Variants in GSE1 observed in about 807,000 individuals in gnomAD.
The protein encoded by GSE1 is genetic suppressor element 1.
A neutral mutation model predicts 112.6 loss-of-function variants in GSE1; 32 were observed. That is an observed-to-expected ratio of 0.28 (90% confidence interval 0.21 to 0.38). The LOEUF (loss-of-function observed/expected upper bound fraction) is 0.38. Ranked by LOEUF, GSE1 falls within the 10% of genes least tolerant of loss-of-function variation. The probability of loss-of-function intolerance (pLI) is 1.00; values close to 1 mark genes in which losing one functional copy is unlikely to be tolerated. For missense variants in GSE1, 2,348 were observed against 1,699.2 expected, an observed-to-expected ratio of 1.38 and a Z score of -6.71; for synonymous variants, 1,115 against 735.6, an observed-to-expected ratio of 1.52 and a Z score of -8.35.
At chr16:85,609,733 C>A (rs1013126284), upstream of GSE1, among the ~76,000 whole-genome samples, 1 of 152,094 alleles carries the variant, frequency 6.6e-6, no homozygotes, top group Non-Finnish European at 1.5e-5. Flanking sequence ...CAGCTCACTG[C>A]GACCTCTGCC....
intron 2 of GSE1, among the ~76,000 whole-genome samples, chr16:85,470,124 C>G (rs1240904137): frequency 6.6e-6 from 1 of 152,246 alleles, no homozygotes; most frequent in African/African-American, 2.4e-5. Context: ...CCATGTTCCG[C>G]TTTTTATCAC....
chr16:85,195,716 C>T (rs994796612), intron 1 of GSE1, among the ~76,000 whole-genome samples: 4 of 152,158 alleles, frequency 2.6e-5, no homozygotes, highest in East Asian at 1.9e-4. Flanking sequence ...AACTTAACCA[C>T]GAAGGAGAAG....
chr16:85,623,831 C>G (rs1220985993), intron 1 of GSE1, among the ~76,000 whole-genome samples: 3 of 152,190 alleles, frequency 2.0e-5, no homozygotes, highest in East Asian at 3.9e-4. Context: ...CTGCCCAGGC[C>G]ACTCCTGGCC....
chr16:85,189,404 C>T (rs1190319003), intron 1 of GSE1, among the ~76,000 whole-genome samples: 1 of 152,140 alleles, frequency 6.6e-6, no homozygotes, highest in Non-Finnish European at 1.5e-5. Context: ...GTGCATTGTA[C>T]ACAGTGATTC....
At chr16:85,486,536 C>T (rs2050845309) in intron 2 of GSE1, among the ~76,000 whole-genome samples, 1 of 152,268 alleles carries the variant, frequency 6.6e-6, no homozygotes, top group South Asian at 2.1e-4. Context: ...CTTAGAATTT[C>T]AGGATTCCAA....
At chr16:85,506,455 G>A (rs1282506833) in intron 2 of GSE1, among the ~76,000 whole-genome samples, 2 of 152,108 alleles carry the variant, frequency 1.3e-5, no homozygotes, top group African/African-American at 4.8e-5. Context: ...CAGGGAGGGA[G>A]GGAAGGGTTC....
chr16:85,627,762 A>T (rs978570171), intron 1 of GSE1, among the ~76,000 whole-genome samples: 6 of 152,158 alleles, frequency 3.9e-5, no homozygotes, highest in African/African-American at 1.4e-4. Flanking sequence ...ACATGAGCTG[A>T]TAATGTAGAC....
At chr16:85,298,850 C>T (rs1282230998) in intron 1 of GSE1, among the ~76,000 whole-genome samples, 2 of 152,216 alleles carry the variant, frequency 1.3e-5, no homozygotes, top group East Asian at 1.9e-4. Context: ...CTAGAACTTT[C>T]GGGAGTGGGT....
chr16:85,252,039 A>G (rs1746707108), intron 1 of GSE1, among the ~76,000 whole-genome samples: 1 of 152,208 alleles, frequency 6.6e-6, no homozygotes, highest in African/African-American at 2.4e-5. Context: ...GCACACGCTA[A>G]TAGATGGCAG....
intron 1 of GSE1, among the ~76,000 whole-genome samples, chr16:85,304,050 A>G (rs1186059187): frequency 1.3e-5 from 2 of 152,196 alleles, no homozygotes. Flanking sequence ...ACAGCAGAAA[A>G]AGCCGCAGGA....
chr16:85,353,664 C>T (rs1323086044), intron 1 of GSE1, among the ~76,000 whole-genome samples: 1 of 152,202 alleles, frequency 6.6e-6, no homozygotes, highest in African/African-American at 2.4e-5. Context: ...AAGACCCTGT[C>T]TCTTAATAAA....
intron 2 of GSE1, among the ~76,000 whole-genome samples, chr16:85,359,918 CA>C (rs1356646971): frequency 6.6e-6 from 1 of 152,136 alleles, no homozygotes; most frequent in Non-Finnish European, 1.5e-5. Context: ...CCTGTGGTCC[CA>C]GCTACTCAGG....
In GSE1 at chr16:85,648,468, G is replaced by A. The variant is rs1014402186; in HGVS notation, c.227-84G>A. 7 of 686,240 alleles carry A rather than the reference G, an allele frequency of 1.0e-5. No individual in the cohort carries two copies. The African/African-American group carries it at 1.1e-4, about 11-fold the overall frequency. The allele number at this position is 686,240 out of a possible 1,614,324, so 42.5% of individuals were successfully genotyped here. The stretch of plus-strand genomic sequence containing the variant: ...CTGGGGCCTCACTTGGAGCAGGGGG[G>A]CAGCTGGAGCCCAGGTCCCCAGCTG... On this transcript the variant is annotated intron_variant, in intron 2 of 15. Transcript: ENST00000253458.
chr16:85,609,801 C>T (rs374285071), upstream of GSE1, among the ~76,000 whole-genome samples: 1 of 152,274 alleles, frequency 6.6e-6, no homozygotes, highest in East Asian at 1.9e-4. Flanking sequence ...ACTACAGGCA[C>T]ACGCCACCAT....
At chr16:85,530,646 C>A (rs557755952) in intron 2 of GSE1, among the ~76,000 whole-genome samples, 5 of 152,184 alleles carry the variant, frequency 3.3e-5, no homozygotes, top group Admixed American at 3.3e-4. Context: ...GGGACAGGTG[C>A]GTTCATTAAA....
At chr16:85,474,133 A>G (rs2050378889) in intron 2 of GSE1, among the ~76,000 whole-genome samples, 1 of 152,032 alleles carries the variant, frequency 6.6e-6, no homozygotes, top group Non-Finnish European at 1.5e-5. Flanking sequence ...GGAAGCAGGG[A>G]TGGCAGTGAG....
At chr16:85,235,146 C>T (rs2143868803) in intron 1 of GSE1, among the ~76,000 whole-genome samples, 1 of 152,154 alleles carries the variant, frequency 6.6e-6, no homozygotes, top group East Asian at 2.0e-4. Flanking sequence ...CCAGGCAGCT[C>T]CGCCCAGCTC....
intron 1 of GSE1, among the ~76,000 whole-genome samples, chr16:85,263,876 T>G (rs1907965146): frequency 6.6e-6 from 1 of 152,130 alleles, no homozygotes; most frequent in South Asian, 2.1e-4. Context: ...CCTGGCCACT[T>G]TTTCTATTTT....
At chr16:85,639,282 C>T (rs1205881386) in intron 2 of GSE1, among the ~76,000 whole-genome samples, 1 of 152,232 alleles carries the variant, frequency 6.6e-6, no homozygotes, top group Non-Finnish European at 1.5e-5. Context: ...TCCTTGGGTA[C>T]AAGCAGGGAC....
Sources: gnomAD v4.1 joint callset for allele counts (sites outside exome capture counted in the v4.1 genomes callset) on GRCh38, gnomAD v4.1.1 for gene constraint, MANE v1.5 for transcripts, NCBI Gene and HGNC (gene_info 2026-07-23, HGNC 2026-07-21) for gene names.